The following ADAM23 variants were observed in gnomAD, a reference collection of about 807,000 sequenced individuals.
ADAM23 encodes the protein ADAM metallopeptidase domain 23.
ADAM23 carries 33 observed loss-of-function variants against 120.1 expected under a neutral mutation model. That is an observed-to-expected ratio of 0.27 (90% CI 0.21 to 0.37). ADAM23 has a LOEUF of 0.37. ADAM23 is among the 10% of genes least tolerant of loss of function. ADAM23 has a pLI of 1.00. For synonymous variants in ADAM23, 367 were observed against 375.2 expected, an observed-to-expected ratio of 0.98 and a Z score of 0.25; for missense variants, 862 against 1,058.2, an observed-to-expected ratio of 0.81 and a Z score of 2.57.
chr2:206,480,737 G>C (rs1466334280), intron 2 of ADAM23, among the ~76,000 whole-genome samples: 1 of 152,102 alleles, frequency 6.6e-6, no homozygotes, highest in Non-Finnish European at 1.5e-5. Flanking sequence ...AGTGCTTTCT[G>C]AAGTTACAAG....
At chr2:206,615,184 A>G (rs1698913025) in intron 25 of ADAM23, among the ~76,000 whole-genome samples, 1 of 151,962 alleles carries the variant, frequency 6.6e-6, no homozygotes, top group African/African-American at 2.4e-5. Context: ...TGTTATGTGT[A>G]TAATGTATAT....
chr2:206,467,862 C>T (rs1695572902), intron 2 of ADAM23, among the ~76,000 whole-genome samples: 5 of 152,178 alleles, frequency 3.3e-5, no homozygotes, highest in Admixed American at 3.3e-4. Context: ...GTTCCCAAGC[C>T]TCAACTCTTA....
At chr2:206,458,513 C>G (rs116178812) in intron 2 of ADAM23, among the ~76,000 whole-genome samples, 2 of 152,190 alleles carry the variant, frequency 1.3e-5, no homozygotes, top group East Asian at 3.8e-4. Context: ...GTCTCAGAGG[C>G]TGCAAGCCCT....
chr2:206,577,276 T>G (rs1445451996), intron 18 of ADAM23, among the ~76,000 whole-genome samples: 1 of 151,848 alleles, frequency 6.6e-6, no homozygotes, highest in Non-Finnish European at 1.5e-5. Context: ...TCTTTTATTA[T>G]TATACTTTAA....
At chr2:206,612,829 G>A (rs1698852035) in intron 25 of ADAM23, among the ~76,000 whole-genome samples, 1 of 152,136 alleles carries the variant, frequency 6.6e-6, no homozygotes, top group Non-Finnish European at 1.5e-5. Flanking sequence ...TGTGTGTGAA[G>A]TGATAATAAA....
intron 2 of ADAM23, among the ~76,000 whole-genome samples, chr2:206,468,007 G>T (rs1223593284): frequency 6.6e-6 from 1 of 152,166 alleles, no homozygotes; most frequent in African/African-American, 2.4e-5. Context: ...TGCCTGGGAA[G>T]CAGGGAGCAG....
Position 206,499,502 on chromosome 2 carries a change from G to C in ADAM23, c.509+18194G>C, listed in dbSNP as rs886742504. Among the ~76,000 whole-genome samples the C allele has an allele frequency of 1.2e-3, 155 of 127,800 alleles. 1 individual carries two copies. In the East Asian group the frequency reaches 0.036, roughly 30 times the overall value. The allele number at this position is 127,800 out of a possible 152,430, so 83.8% of individuals were successfully genotyped here. On this transcript the variant is annotated intron_variant, in intron 3 of 25. Transcript: ENST00000264377. ...ACACCAGGGACTGTTGTGGGGTGGGGGGAGGGGGGATAGCATTAGGAGATA... is the reference window on the plus strand; with the variant it reads ...ACACCAGGGACTGTTGTGGGGTGGGCGGAGGGGGGATAGCATTAGGAGATA...
At chr2:206,515,405 T>C (rs1466976022) in intron 3 of ADAM23, among the ~76,000 whole-genome samples, 1 of 152,184 alleles carries the variant, frequency 6.6e-6, no homozygotes, top group African/African-American at 2.4e-5. Flanking sequence ...AGCTTTGTTG[T>C]GGTGGCACGC....
At chr2:206,534,844 T>G (rs1697138628) in intron 4 of ADAM23, among the ~76,000 whole-genome samples, 1 of 152,170 alleles carries the variant, frequency 6.6e-6, no homozygotes, top group Non-Finnish European at 1.5e-5. Context: ...TTTTCCTAGG[T>G]CTATTTCCTC....
chr2:206,502,303 G>C (rs1270313780), intron 3 of ADAM23, among the ~76,000 whole-genome samples: 1 of 152,008 alleles, frequency 6.6e-6, no homozygotes, highest in Non-Finnish European at 1.5e-5. Context: ...ATAAATAACT[G>C]TAGTTATTTT....
chr2:206,561,360 G>C (rs1343666371), intron 12 of ADAM23, 148 bp downstream of exon 12: 6 of 704,678 alleles, frequency 8.5e-6, no homozygotes, highest in Middle Eastern at 3.7e-4. Flanking sequence ...AGAACCCAAC[G>C]TGGTCCTTTT....
intron 2 of ADAM23, among the ~76,000 whole-genome samples, chr2:206,465,563 A>C (rs1695526506): frequency 6.6e-6 from 1 of 152,204 alleles, no homozygotes; most frequent in Non-Finnish European, 1.5e-5. Context: ...CTCTTAATCA[A>C]GTATTAATAG....
intron 18 of ADAM23, among the ~76,000 whole-genome samples, chr2:206,583,525 A>G (rs1447165725): frequency 6.6e-6 from 1 of 151,102 alleles, no homozygotes; most frequent in Non-Finnish European, 1.5e-5. Flanking sequence ...TGTTTAACAT[A>G]TCAAACCTTC....
intron 9 of ADAM23, among the ~76,000 whole-genome samples, chr2:206,550,471 G>A (rs980259021): frequency 1.8e-4 from 27 of 151,742 alleles, no homozygotes; most frequent in African/African-American, 4.6e-4. Context: ...ATTTTATTCC[G>A]TGCTTTTGTC....
At chr2:206,464,754 G>A (rs2300974) in intron 2 of ADAM23, among the ~76,000 whole-genome samples, 9,628 of 151,930 alleles carry the variant, frequency 0.063, 482 homozygotes, top group Admixed American at 0.12. Flanking sequence ...AGATATTTTT[G>A]GTTGTCAGAA....
At chr2:206,516,839 G>A (rs1696743241) in intron 3 of ADAM23, among the ~76,000 whole-genome samples, 1 of 151,944 alleles carries the variant, frequency 6.6e-6, no homozygotes, top group Admixed American at 6.6e-5. Flanking sequence ...TCAGTGAGCT[G>A]GCACCCAACC....
At chr2:206,574,709 C>T (rs188212741) in intron 18 of ADAM23, among the ~76,000 whole-genome samples, 9 of 152,196 alleles carry the variant, frequency 5.9e-5, no homozygotes, top group East Asian at 1.9e-4. Flanking sequence ...TCTCCATTGC[C>T]GTGTCTGTCC....
intron 4 of ADAM23, among the ~76,000 whole-genome samples, chr2:206,532,209 C>T (rs766441194): frequency 3.9e-5 from 6 of 152,070 alleles, no homozygotes; most frequent in Non-Finnish European, 8.8e-5. Flanking sequence ...ACTGCAGATG[C>T]TGAATCATGA....
At chr2:206,557,859 G>A (rs975485030) in intron 10 of ADAM23, among the ~76,000 whole-genome samples, 43 of 152,112 alleles carry the variant, frequency 2.8e-4, no homozygotes, top group African/African-American at 1.0e-3. Flanking sequence ...AATATATGGT[G>A]GTAACAGAGA....
Sources: gnomAD v4.1 joint callset for allele counts (sites outside exome capture counted in the v4.1 genomes callset) on GRCh38, gnomAD v4.1.1 for gene constraint, MANE v1.5 for transcripts, NCBI Gene and HGNC (gene_info 2026-07-23, HGNC 2026-07-21) for gene names.